The following ANO2 variants were observed in gnomAD, a reference collection of about 807,000 sequenced individuals.
ANO2 encodes the protein anoctamin 2, also known as anoctamin-2.
In ANO2, 101 loss-of-function variants were observed where a neutral mutation model predicts 124.2. The observed-to-expected ratio is 0.81, with a 90% CI of 0.69 to 0.96. The LOEUF (loss-of-function observed/expected upper bound fraction) is 0.96, where lower values mean the gene tolerates loss of function less well. Among genes scored for constraint, ANO2 ranks in the 40% least tolerant of loss-of-function variants. ANO2 has a pLI of 0.00. For synonymous variants in ANO2, 486 were observed against 482.5 expected, an observed-to-expected ratio of 1.01 and a Z score of -0.09; for missense variants, 1,293 against 1,274.5, an observed-to-expected ratio of 1.01 and a Z score of -0.22.
At chr12:5,803,815 C>T (rs548787282) in intron 9 of ANO2, among the ~76,000 whole-genome samples, 5 of 152,294 alleles carry the variant, frequency 3.3e-5, no homozygotes, top group Admixed American at 2.6e-4. Flanking sequence ...GGCTGAGTCA[C>T]GCAAGCTGCA....
intron 11 of ANO2, among the ~76,000 whole-genome samples, chr12:5,744,808 C>G (rs1951218484): frequency 1.3e-5 from 2 of 152,178 alleles, no homozygotes. Context: ...TAGACCTGTG[C>G]ATGCTCTCAC....
chr12:5,763,273 C>A (rs1396938667), intron 10 of ANO2, among the ~76,000 whole-genome samples: 1 of 151,982 alleles, frequency 6.6e-6, no homozygotes, highest in African/African-American at 2.4e-5. Context: ...GTTTAACCTT[C>A]TTTGAATTAT....
intron 14 of ANO2, among the ~76,000 whole-genome samples, chr12:5,705,477 C>T (rs1398328243): frequency 2.6e-5 from 4 of 152,174 alleles, no homozygotes; most frequent in African/African-American, 9.7e-5. Context: ...TGAATCTATC[C>T]ACACACAGGG....
intron 20 of ANO2, among the ~76,000 whole-genome samples, chr12:5,582,956 C>T (rs1458799090): frequency 6.6e-6 from 1 of 152,190 alleles, no homozygotes; most frequent in Non-Finnish European, 1.5e-5. Flanking sequence ...CTCATCCTCA[C>T]TCCCATAATG....
chr12:5,690,072 T>C (rs750566002), intron 14 of ANO2, among the ~76,000 whole-genome samples: 4 of 151,902 alleles, frequency 2.6e-5, no homozygotes, highest in Non-Finnish European at 1.5e-5. Flanking sequence ...CAAAGTCAAT[T>C]CTCCAGTGAT....
intron 3 of ANO2, among the ~76,000 whole-genome samples, chr12:5,872,539 G>T (rs1937775887): frequency 6.6e-6 from 1 of 152,158 alleles, no homozygotes; most frequent in Non-Finnish European, 1.5e-5. Flanking sequence ...GGGCCTTTCT[G>T]AAGAGCCTCA....
At chr12:5,919,289 C>G (rs1455148651) in intron 3 of ANO2, among the ~76,000 whole-genome samples, 1 of 152,018 alleles carries the variant, frequency 6.6e-6, no homozygotes, top group Non-Finnish European at 1.5e-5. Flanking sequence ...GGAAGAGTGC[C>G]CAAAGCACAG....
intron 3 of ANO2, among the ~76,000 whole-genome samples, chr12:5,855,628 T>C (rs1228505108): frequency 6.6e-6 from 1 of 152,238 alleles, no homozygotes; most frequent in African/African-American, 2.4e-5. Context: ...TTATTGACTG[T>C]GTATTATGCG....
chr12:5,858,065 A>G (rs1381128562), intron 3 of ANO2, among the ~76,000 whole-genome samples: 2 of 152,192 alleles, frequency 1.3e-5, no homozygotes, highest in African/African-American at 2.4e-5. Flanking sequence ...TGGTTAATGG[A>G]TCCAAAGTTA....
intron 3 of ANO2, among the ~76,000 whole-genome samples, chr12:5,916,602 T>C (rs376333446): frequency 1.8e-4 from 27 of 151,680 alleles, no homozygotes; most frequent in Non-Finnish European, 3.4e-4. Context: ...AAATGTATCC[T>C]ATTAATGTAA....
chr12:5,931,226 C>G (rs920183176), intron 1 of ANO2, among the ~76,000 whole-genome samples: 1 of 152,078 alleles, frequency 6.6e-6, no homozygotes, highest in Non-Finnish European at 1.5e-5. Context: ...ACCACTTCAT[C>G]TCCCAACACT....
intron 14 of ANO2, among the ~76,000 whole-genome samples, chr12:5,683,240 G>T (rs954144006): frequency 6.6e-6 from 1 of 152,094 alleles, no homozygotes; most frequent in Non-Finnish European, 1.5e-5. Context: ...AAGAGCTCAG[G>T]TAAGAGCCTA....
intron 19 of ANO2, among the ~76,000 whole-genome samples, chr12:5,610,572 T>C (rs1206447848): frequency 7.0e-6 from 1 of 142,132 alleles, no homozygotes; most frequent in Non-Finnish European, 1.5e-5. Flanking sequence ...ATAAAACAAA[T>C]ATATTTATAT....
intron 7 of ANO2, among the ~76,000 whole-genome samples, chr12:5,820,755 G>T (rs1953770236): frequency 6.6e-6 from 1 of 152,236 alleles, no homozygotes; most frequent in South Asian, 2.1e-4. Flanking sequence ...CATTTGGCCT[G>T]TGCAGAAGAC....
In ANO2 at chr12:5,599,539, G is replaced by A. The variant is rs774894595; in HGVS notation, c.2178C>T (p.Asp726=). The A allele has an allele frequency of 1.9e-6, 3 of 1,613,826 alleles. No homozygotes were observed. Among genetic ancestry groups the A allele is most frequent in the South Asian group, 1.1e-5 (1 of 91,034 alleles). The change falls in exon 20 of 25, where the codon GAC becomes GAT. Residue 726 remains aspartate, a synonymous_variant. Coordinates refer to ENST00000682330, the MANE Select transcript of ANO2 (RefSeq NM_001364791.2). ...TGTATGGTTCCAAGCTGTAGTCTAGGTCCCACTGCTCTGGATGTTTCGAAT... is the reference window on the plus strand; with the variant it reads ...TGTATGGTTCCAAGCTGTAGTCTAGATCCCACTGCTCTGGATGTTTCGAAT... The part of the protein sequence containing the change: ...SAHSKHPEQW[D]LDYSLEPYTG...
chr12:5,736,479 T>C (rs565700305), intron 13 of ANO2, among the ~76,000 whole-genome samples: 1 of 152,308 alleles, frequency 6.6e-6, no homozygotes, highest in East Asian at 1.9e-4. Context: ...GCATTCCTGA[T>C]ACTGGGAGGT....
intron 20 of ANO2, among the ~76,000 whole-genome samples, chr12:5,587,667 A>C (rs1943185449): frequency 6.6e-6 from 1 of 152,022 alleles, no homozygotes; most frequent in African/African-American, 2.4e-5. Flanking sequence ...CTTCTTAGTA[A>C]GCCCTTCAGG....
intron 4 of ANO2, among the ~76,000 whole-genome samples, chr12:5,845,274 G>GA (rs1253726090): frequency 5.9e-4 from 84 of 142,552 alleles, no homozygotes; most frequent in African/African-American, 1.6e-3. Flanking sequence ...TCTCAAAAAA[G>GA]AAAAAAAAAA....
chr12:5,740,952 C>T (rs1420673341), intron 12 of ANO2: 3 of 152,668 alleles, frequency 2.0e-5, no homozygotes, highest in Non-Finnish European at 4.4e-5. Context: ...CCAGCTTCTA[C>T]CCTCATCCTA....
Sources: gnomAD v4.1 joint callset for allele counts (sites outside exome capture counted in the v4.1 genomes callset) on GRCh38, gnomAD v4.1.1 for gene constraint, MANE v1.5 for transcripts, NCBI Gene and HGNC (gene_info 2026-07-23, HGNC 2026-07-21) for gene names.